AFDN: variants seen among roughly 807,000 people sequenced by gnomAD.
AFDN encodes the protein afadin, adherens junction formation factor, also known as afadin.
A neutral mutation model predicts 216.6 loss-of-function variants in AFDN; 68 were observed. The observed-to-expected ratio is 0.31, with a 90% confidence interval of 0.26 to 0.38. The LOEUF is 0.38. Among genes scored for constraint, AFDN ranks in the 10% least tolerant of loss-of-function variants. AFDN has a pLI of 1.00. For missense variants in AFDN, 2,136 were observed against 2,342.0 expected (o/e 0.91, Z 1.82); for synonymous variants, 868 against 853.7 (o/e 1.02, Z -0.29).
intron 1 of AFDN, among the ~76,000 whole-genome samples, chr6:167,840,903 T>A (rs1780997138): frequency 6.6e-6 from 1 of 151,892 alleles, no homozygotes; most frequent in African/African-American, 2.4e-5. Flanking sequence ...ACATTCGAGA[T>A]GAAAGAATGT....
intron 1 of AFDN, among the ~76,000 whole-genome samples, chr6:167,845,680 T>G (rs555843678): frequency 3.9e-5 from 6 of 152,324 alleles, no homozygotes; most frequent in South Asian, 4.1e-4. Context: ...CTGGCCTAAA[T>G]GAATATTTCT....
intron 32 of AFDN, 40 bp from the exon 33 acceptor site, chr6:167,969,074 A>G (rs1292332326): frequency 1.4e-6 from 2 of 1,454,722 alleles, no homozygotes; most frequent in Admixed American, 1.7e-5. Context: ...CTTAGAAATA[A>G]TCAGGTACTT....
intron 5 of AFDN, 93 bp downstream of exon 5, chr6:167,875,588 A>G (rs1264855423): frequency 4.6e-6 from 6 of 1,315,544 alleles, no homozygotes; most frequent in Admixed American, 2.1e-5. Flanking sequence ...AACTAAAGCA[A>G]TGGGTGGTGT....
At position 167,868,229 on chromosome 6, in the gene AFDN, G is replaced by C. The variant is rs188475487; in HGVS notation, c.302-2157G>C. 5.3e-5 allele frequency among the ~76,000 whole-genome samples: 8 copies of C among 152,126 alleles called. No individual in the cohort carries two copies. In the South Asian group the frequency reaches 1.0e-3, roughly 20 times the overall value. Reference sequence around the variant, plus strand: ...TTTCCAGAGATAGTATCTGTAAAAGGCCCCTTAGAAAAACACATTTAAAAC... The same window carrying C: ...TTTCCAGAGATAGTATCTGTAAAAGCCCCCTTAGAAAAACACATTTAAAAC... On this transcript the variant is annotated intron_variant, in intron 2 of 33. Transcript: ENST00000683244.
rs2128051774 is a variant in AFDN, at chr6:167,827,969, A to G, written c.105+732A>G. 2.6e-5 allele frequency: 4 copies of G among 152,376 alleles called. No individual in the cohort carries two copies. In the South Asian group the frequency reaches 8.3e-4, roughly 32 times the overall value. The allele number at this position is 152,376 out of a possible 1,614,324, so 9.4% of individuals were successfully genotyped here. The stretch of plus-strand genomic sequence containing the variant: ...GGTTGTTTATAGCAAAGCTGCTGAA[A>G]GCGTTCCGAGCAGCTTTTAAAAAAA... On this transcript the variant is annotated intron_variant, in intron 1 of 33. Transcript: ENST00000683244.
intron 30 of AFDN, among the ~76,000 whole-genome samples, chr6:167,955,715 C>CT: frequency 6.6e-6 from 1 of 152,100 alleles, no homozygotes; most frequent in Non-Finnish European, 1.5e-5. Context: ...GAGTTTCTTT[C>CT]TTTAGAAGAT....
In AFDN at chr6:167,946,852, C is replaced by T. The variant is rs373851147; in HGVS notation, c.3504C>T (p.Asp1168=). The T allele has an allele frequency of 5.0e-6, 8 of 1,612,772 alleles. No individual in the cohort carries two copies. Among genetic ancestry groups the T allele is most frequent in the South Asian group, 1.1e-5 (1 of 90,596 alleles). ...YSEPKKLPGD[D]RLMKNRADHR... is the part of the protein sequence containing the mutation. The stretch of plus-strand genomic sequence containing the variant: ...AACCAAAGAAATTGCCTGGTGATGA[C>T]AGACTGATGAAAAATAGAGCTGATC... The change falls in exon 27 of 34, where the codon GAC becomes GAT. Residue 1168 remains aspartate (D), a synonymous_variant. Coordinates refer to ENST00000683244, the MANE Select transcript of AFDN (RefSeq NM_001386888.1).
rs139490038 is a variant in AFDN at position 167,901,949 on chromosome 6, C to T, written c.1581-368C>T. On this transcript the variant is annotated intron_variant, in intron 11 of 33. Transcript: ENST00000683244. ...CTCTACAAAAAATACAATAATTAGC[C>T]GGGCATGGTGGCCCTTGTCTGTAAT... Among the ~76,000 whole-genome samples the T allele has an allele frequency of 8.7e-3, 1,316 of 151,856 alleles. 25 individuals carry two copies. Among genetic ancestry groups the T allele is most frequent in the African/African-American group, 0.03 (1,245 of 41,424 alleles).
At chr6:167,862,401 A>G (rs1583196329) in intron 1 of AFDN, among the ~76,000 whole-genome samples, 1 of 151,484 alleles carries the variant, frequency 6.6e-6, no homozygotes, top group South Asian at 2.1e-4. Flanking sequence ...TTTTAGATGA[A>G]GTCTTGCTCT....
chr6:167,898,262 G>A lies in AFDN; in HGVS notation c.1375G>A (p.Val459Ile), dbSNP rs777429407. ...HCDLTNMDGVVTVTPRSMDAE... is the reference protein window; with the variant it reads ...HCDLTNMDGVITVTPRSMDAE... ...TGACCTTACCAACATGGATGGAGTG[G>A]TCACTGTGACGCCCAGAAGTATGGA... Residue 459 changes from valine to isoleucine, a missense_variant, in exon 11 of 34, where the codon GTC becomes ATC. By Grantham distance (29) the Val-to-Ile change is conservative. Around this residue, in one of 8 missense-constraint regions of AFDN, gnomAD observed 817 missense variants for 965.7 expected, o/e 0.85. Coordinates refer to ENST00000683244, the MANE Select transcript of AFDN (RefSeq NM_001386888.1). 6 of 1,613,990 alleles carry A rather than the reference G, an allele frequency of 3.7e-6. No individual in the cohort carries two copies. In the Admixed American group the frequency reaches 1.0e-4, roughly 27 times the overall value.
At chr6:167,966,752 G>T (rs561258318) in intron 32 of AFDN, among the ~76,000 whole-genome samples, 1 of 152,184 alleles carries the variant, frequency 6.6e-6, no homozygotes, top group South Asian at 2.1e-4. Context: ...TAGATCACGC[G>T]CTCTCATGGT....
intron 1 of AFDN, among the ~76,000 whole-genome samples, chr6:167,851,106 T>C (rs1407368660): frequency 6.6e-6 from 1 of 152,202 alleles, no homozygotes; most frequent in Non-Finnish European, 1.5e-5. Context: ...ATTTGAAATA[T>C]GTATAGTGCC....
intron 2 of AFDN, among the ~76,000 whole-genome samples, chr6:167,870,165 C>T (rs1252684194): frequency 6.6e-6 from 1 of 152,124 alleles, no homozygotes; most frequent in African/African-American, 2.4e-5. Context: ...AGGGAATTGC[C>T]TCTGTTCAGT....
chr6:167,942,647 C>T (rs555245952), intron 23 of AFDN, among the ~76,000 whole-genome samples: 6 of 152,150 alleles, frequency 3.9e-5, no homozygotes, highest in African/African-American at 7.2e-5. Flanking sequence ...AGTTACAGTA[C>T]ATGAGTTATA....
intron 1 of AFDN, among the ~76,000 whole-genome samples, chr6:167,844,177 AGTGT>A (rs71004173): frequency 0.27 from 38,335 of 141,486 alleles, 5,305 homozygotes; most frequent in Non-Finnish European, 0.33. Flanking sequence ...TCAAAAATGA[AGTGT>A]GTGTGTGTGT....
intron 10 of AFDN, among the ~76,000 whole-genome samples, 198 bp downstream of exon 10, chr6:167,897,170 A>G (rs1389929171): frequency 6.6e-6 from 1 of 152,114 alleles, no homozygotes; most frequent in Non-Finnish European, 1.5e-5. Context: ...TTCAAGTTCC[A>G]CCTCTAGAAA....
At chr6:167,950,923 C>CT (rs566455938) in intron 29 of AFDN, among the ~76,000 whole-genome samples, 26 of 150,930 alleles carry the variant, frequency 1.7e-4, no homozygotes, top group Admixed American at 1.5e-3. Flanking sequence ...TCTCGAACTC[C>CT]TGGGCTCAAG....
At chr6:167,958,487 A>G (rs976604894) in intron 30 of AFDN, among the ~76,000 whole-genome samples, 2 of 152,190 alleles carry the variant, frequency 1.3e-5, no homozygotes, top group African/African-American at 4.8e-5. Flanking sequence ...ACTTGGTTTG[A>G]CAAATCTCTC....
intron 23 of AFDN, among the ~76,000 whole-genome samples, chr6:167,929,028 G>C (rs1473393596): frequency 6.6e-6 from 1 of 152,180 alleles, no homozygotes; most frequent in African/African-American, 2.4e-5. Flanking sequence ...ACTGGCTTCC[G>C]TGAGTCTAAT....
Sources: gnomAD v4.1 joint callset for allele counts (sites outside exome capture counted in the v4.1 genomes callset) on GRCh38, gnomAD v4.1.1 for gene constraint, gnomAD v4.1.1 regional missense constraint, MANE v1.5 for transcripts, NCBI Gene and HGNC (gene_info 2026-07-23, HGNC 2026-07-21) for gene names.